Variants in TRA2B observed in about 807,000 individuals in gnomAD.
TRA2B encodes transformer-2 protein homolog beta.
Under a neutral mutation model 41.7 loss-of-function variants are expected in TRA2B, and 14 were observed. That is an observed-to-expected ratio of 0.34 (90% confidence interval 0.22 to 0.53). The LOEUF (loss-of-function observed/expected upper bound fraction) is 0.53. Among genes scored for constraint, TRA2B ranks in the 20% least tolerant of loss-of-function variants. TRA2B has a pLI of 0.95. For synonymous variants in TRA2B, 130 were observed against 128.8 expected, an observed-to-expected ratio of 1.01 and a Z score of -0.06; for missense variants, 167 against 396.8, an observed-to-expected ratio of 0.42 and a Z score of 4.92.
chr3:185,920,820 C>T (rs776897151), intron 6 of TRA2B, among the ~76,000 whole-genome samples: 19 of 152,092 alleles, frequency 1.2e-4, no homozygotes, highest in Non-Finnish European at 2.6e-4. Context: ...TGAGCTACTG[C>T]GCCTGGCCTC....
chr3:185,927,581 CAA>C lies in TRA2B; in HGVS notation c.37-849_37-848del, dbSNP rs763414746. ...AGCTCCTAACCTAGGGCCCAGGAAGCAAAAGAGTACAGAAACTACATACAAAA... is the reference window on the plus strand; with the variant it reads ...AGCTCCTAACCTAGGGCCCAGGAAGCAAGAGTACAGAAACTACATACAAAA... On this transcript the variant is annotated intron_variant, in intron 1 of 8. Coordinates refer to ENST00000453386, the MANE Select transcript of TRA2B (RefSeq NM_004593.3). The C allele has an allele frequency of 4.2e-4, 64 of 152,108 alleles. 2 individuals are homozygous for C. The highest frequency in any genetic ancestry group is 9.7e-5 in the African/African-American group (4 of 41,396). The allele number at this position is 152,108 out of a possible 1,614,324, so 9.4% of individuals were successfully genotyped here. A position where few individuals can be genotyped will look rare whatever the true frequency, so the allele number is the denominator to read the frequency against.
rs932799393 is a variant in TRA2B at position 185,919,583 on chromosome 3, C to A, written c.723-87G>T. ...ATTCATTTAGTAAAATAAAAACTTTCATAGAGCATGAATGAGATGTTTCTT... is the reference window on the plus strand; with the variant it reads ...ATTCATTTAGTAAAATAAAAACTTTAATAGAGCATGAATGAGATGTTTCTT... On this transcript the variant is annotated intron_variant, in intron 6 of 8. Coordinates refer to ENST00000453386, the MANE Select transcript of TRA2B (RefSeq NM_004593.3). 1.7e-5 allele frequency: 19 copies of A among 1,131,340 alleles called. No homozygotes were observed. The African/African-American group carries it at 2.2e-4, about 13-fold the overall frequency. The allele number at this position is 1,131,340 out of a possible 1,614,324, so 70.1% of individuals were successfully genotyped here. A position where few individuals can be genotyped will look rare whatever the true frequency, so the allele number is the denominator to read the frequency against.
At chr3:185,937,363 C>G (rs951382055) in intron 1 of TRA2B, 8 of 996,952 alleles carry the variant, frequency 8.0e-6, no homozygotes, top group Admixed American at 5.9e-5. Flanking sequence ...CACCCCACCA[C>G]GCGGCCTTAC....
intron 2 of TRA2B, 148 bp downstream of exon 2, chr3:185,926,453 C>T: frequency 9.3e-7 from 1 of 1,071,418 alleles, no homozygotes; most frequent in Non-Finnish European, 1.3e-6. Flanking sequence ...CGCTTTTAGT[C>T]TTGCCTCCCA....
chr3:185,934,117 A>C (rs1249401487), intron 1 of TRA2B, among the ~76,000 whole-genome samples: 1 of 152,172 alleles, frequency 6.6e-6, no homozygotes, highest in Non-Finnish European at 1.5e-5. Flanking sequence ...TACATAGCCC[A>C]CACCCCCAAT....
chr3:185,921,590 C>G (rs1743736798), intron 5 of TRA2B, among the ~76,000 whole-genome samples: 1 of 152,106 alleles, frequency 6.6e-6, no homozygotes, highest in South Asian at 2.1e-4. Context: ...TGGTGAAAAC[C>G]TGCCTCTACT....
At chr3:185,934,383 C>G (rs1373023187) in intron 1 of TRA2B, 1 of 985,410 alleles carries the variant, frequency 1.0e-6, no homozygotes, top group Admixed American at 6.1e-5. Context: ...CTTCCCCCAC[C>G]ACCTGAATTC....
chr3:185,929,383 A>C (rs1744067235), intron 1 of TRA2B, among the ~76,000 whole-genome samples: 1 of 152,186 alleles, frequency 6.6e-6, no homozygotes, highest in Admixed American at 6.5e-5. Context: ...AAATCTAAGC[A>C]TACTTCAAAT....
chr3:185,923,685 A>G (rs1743828555), intron 4 of TRA2B, 111 bp downstream of exon 4: 1 of 1,029,042 alleles, frequency 9.7e-7, no homozygotes, highest in Non-Finnish European at 1.3e-6. Flanking sequence ...GTTGGAGAAA[A>G]AGTTCGAAGT....
At position 185,936,785 on chromosome 3, in the gene TRA2B, C is replaced by G. The variant is rs985565991; in HGVS notation, c.36+1040G>C. 4 of 985,108 alleles carry G rather than the reference C, an allele frequency of 4.1e-6. No individual in the cohort carries two copies. The African/African-American group carries it at 7.0e-5, about 17-fold the overall frequency. The allele number at this position is 985,108 out of a possible 1,614,324, so 61.0% of individuals were successfully genotyped here. Reference sequence around the variant, plus strand: ...GATTCCTCTTAATTCTAGCAAGCCTCGTATGTTCGCATCATTCAATGCTTT... The same window carrying G: ...GATTCCTCTTAATTCTAGCAAGCCTGGTATGTTCGCATCATTCAATGCTTT... On this transcript the variant is annotated intron_variant, in intron 1 of 8. Transcript: ENST00000453386.
chr3:185,935,074 A>C, intron 1 of TRA2B: 6 of 985,440 alleles, frequency 6.1e-6, no homozygotes, highest in Non-Finnish European at 7.2e-6. Context: ...ATACGCTGTG[A>C]CCATTATTGG....
chr3:185,934,808 G>A (rs1056135816), intron 1 of TRA2B: 28 of 985,306 alleles, frequency 2.8e-5, no homozygotes, highest in African/African-American at 3.5e-5. Context: ...GTGTCCAGAT[G>A]CTGCTATTCA....
intron 4 of TRA2B, chr3:185,922,355 C>T (rs1338498688): frequency 5.7e-6 from 2 of 352,316 alleles, no homozygotes; most frequent in African/African-American, 2.1e-5. Flanking sequence ...AACTATGATC[C>T]TGACAGTATT....
intron 1 of TRA2B, chr3:185,937,042 C>A (rs1744389592): frequency 1.0e-6 from 1 of 985,278 alleles, no homozygotes; most frequent in African/African-American, 1.7e-5. Context: ...CTTCACAATC[C>A]CGTGGAAATG....
intron 1 of TRA2B, among the ~76,000 whole-genome samples, chr3:185,929,729 CTG>C (rs752448685): frequency 2.0e-4 from 30 of 152,254 alleles, no homozygotes; most frequent in Non-Finnish European, 3.7e-4. Context: ...ATTTTAAAAA[CTG>C]AATGTGGTTT....
intron 6 of TRA2B, 142 bp from the exon 7 acceptor site, chr3:185,919,638 G>A: frequency 1.6e-6 from 1 of 643,438 alleles, no homozygotes; most frequent in Non-Finnish European, 2.6e-6. Context: ...ACCCTTTTTA[G>A]AAACTGGCAT....
intron 3 of TRA2B, 126 bp downstream of exon 3, chr3:185,925,338 T>TAAAA: frequency 8.8e-7 from 1 of 1,132,504 alleles, no homozygotes; most frequent in Non-Finnish European, 1.2e-6. Flanking sequence ...CTCAAAACAC[T>TAAAA]AAAAAAGCCT....
At chr3:185,923,653 G>GT (rs1289711539) in intron 4 of TRA2B, 143 bp downstream of exon 4, 1 of 695,548 alleles carries the variant, frequency 1.4e-6, no homozygotes, top group Non-Finnish European at 2.2e-6. Context: ...TATTCTGCAT[G>GT]TATCTTGAGT....
chr3:185,921,891 TA>T (rs1185852053), intron 5 of TRA2B, 119 bp downstream of exon 5: 3 of 620,054 alleles, frequency 4.8e-6, no homozygotes, highest in Non-Finnish European at 8.3e-6. Flanking sequence ...GAGGAGCATT[TA>T]ATCAATCAAC....
Sources: allele counts gnomAD v4.1 joint callset (sites outside exome capture counted in the v4.1 genomes callset), GRCh38; gene constraint gnomAD v4.1.1; transcripts MANE v1.5; gene names NCBI Gene and HGNC (gene_info 2026-07-23, HGNC 2026-07-21).